ACTR5: variants seen among roughly 807,000 people sequenced by gnomAD.
The protein encoded by ACTR5 is actin related protein 5.
ACTR5 carries 43 observed loss-of-function variants against 61.2 expected under a neutral mutation model. That is an observed-to-expected ratio of 0.70 (90% confidence interval 0.55 to 0.91). ACTR5 has a LOEUF of 0.91. ACTR5 is among the 40% of genes least tolerant of loss of function. ACTR5 has a pLI of 0.00. For missense variants in ACTR5, 798 were observed against 782.2 expected (o/e 1.02, Z -0.24); for synonymous variants, 333 against 310.5 (o/e 1.07, Z -0.76).
At chr20:38,749,409 GC>G (rs2084372975) in intron 1 of ACTR5, among the ~76,000 whole-genome samples, 1 of 152,184 alleles carries the variant, frequency 6.6e-6, no homozygotes. Flanking sequence ...CAGTAAAAAG[GC>G]CCCGAGGCAG....
intron 5 of ACTR5, among the ~76,000 whole-genome samples, chr20:38,756,949 AGG>A (rs1331020987): frequency 1.3e-5 from 2 of 151,346 alleles, no homozygotes; most frequent in African/African-American, 4.9e-5. Flanking sequence ...TGTTTGAGAC[AGG>A]GTCTCACTTT....
chr20:38,762,542 T>G (rs2084461298), intron 5 of ACTR5, among the ~76,000 whole-genome samples: 1 of 152,220 alleles, frequency 6.6e-6, no homozygotes, highest in Non-Finnish European at 1.5e-5. Flanking sequence ...TAGAAGTCAC[T>G]GTTGTGACCT....
At chr20:38,748,889 G>A in intron 1 of ACTR5, 36 bp downstream of exon 1, 2 of 1,569,674 alleles carry the variant, frequency 1.3e-6, no homozygotes, top group Non-Finnish European at 1.7e-6. Flanking sequence ...GGCTGGGTTT[G>A]AGGGGAGGGG....
intron 7 of ACTR5, among the ~76,000 whole-genome samples, 174 bp from the exon 8 acceptor site, chr20:38,767,290 T>C (rs2084492276): frequency 6.6e-6 from 1 of 152,190 alleles, no homozygotes; most frequent in African/African-American, 2.4e-5. Flanking sequence ...TTTGGAAACA[T>C]TGGGCTGGCG....
chr20:38,766,407 T>C, intron 7 of ACTR5, 30 bp downstream of exon 7: 1 of 1,557,260 alleles, frequency 6.4e-7, no homozygotes, highest in Non-Finnish European at 8.7e-7. Flanking sequence ...TTTCCTTCTA[T>C]CTTCCTGAAC....
intron 8 of ACTR5, among the ~76,000 whole-genome samples, chr20:38,768,386 C>T (rs1326903914): frequency 6.6e-6 from 1 of 152,154 alleles, no homozygotes; most frequent in Non-Finnish European, 1.5e-5. Context: ...GCTTGTAATC[C>T]TACTTACAGC....
chr20:38,759,559 G>A (rs2084441152), intron 5 of ACTR5, among the ~76,000 whole-genome samples: 1 of 152,206 alleles, frequency 6.6e-6, no homozygotes, highest in Admixed American at 6.5e-5. Context: ...GAAGCTAGGT[G>A]AAGGTGAATG....
In ACTR5 at chr20:38,772,137, G is replaced by T. The variant is rs1052187585; in HGVS notation, c.*321G>T. The stretch of plus-strand genomic sequence containing the variant: ...ACAAATGTACAAAATGCACAAGACT[G>T]ATTTCTTACCACATTTTAGTCTTTC... On this transcript the variant is annotated 3_prime_UTR_variant, in exon 9 of 9. Transcript: ENST00000243903. 3 of 303,688 alleles carry T rather than the reference G, an allele frequency of 9.9e-6. No homozygotes were observed. Among genetic ancestry groups the T allele is most frequent in the Non-Finnish European group, 1.2e-5 (2 of 163,188 alleles). 18.8% of individuals were successfully genotyped at this position (303,688 alleles called of 1,614,324 possible).
chr20:38,766,260 A>C lies in ACTR5; in HGVS notation c.1316A>C (p.Tyr439Ser). 1.2e-6 allele frequency: 2 copies of C among 1,612,940 alleles called. No individual in the cohort carries two copies. The highest frequency in any genetic ancestry group is 1.7e-6 in the Non-Finnish European group (2 of 1,179,770). ...TVQPVFNLAA[Y>S]HQLFVGTERI... ...AAGCCCGTGTTTAACTTGGCAGCAT[A>C]TCATCAGCTATTTGTTGGGACAGAA... Residue 439 changes from tyrosine (Y) to serine (S), a missense_variant, in exon 7 of 9, where the codon TAT becomes TCT. Physicochemically the swap from Tyr to Ser is moderately radical, Grantham distance 144 (BLOSUM62 -2). Transcript: ENST00000243903.
At chr20:38,763,899 CACA>C (rs1290652665) in intron 5 of ACTR5, among the ~76,000 whole-genome samples, 5 of 152,186 alleles carry the variant, frequency 3.3e-5, no homozygotes, top group Non-Finnish European at 5.9e-5. Flanking sequence ...TCATCCTGTG[CACA>C]AGTCTCACAT....
At chr20:38,765,781 G>A (rs2084482783) in intron 6 of ACTR5, among the ~76,000 whole-genome samples, 1 of 152,146 alleles carries the variant, frequency 6.6e-6, no homozygotes, top group East Asian at 1.9e-4. Flanking sequence ...TCTGAATACT[G>A]GCTTGTAATA....
chr20:38,750,292 A>G, intron 2 of ACTR5, 53 bp downstream of exon 2: 1 of 1,489,636 alleles, frequency 6.7e-7, no homozygotes, highest in Non-Finnish European at 9.3e-7. Flanking sequence ...TTCAGGAAAC[A>G]TTTATTTACT....
At chr20:38,758,109 A>AT (rs1335558533) in intron 5 of ACTR5, among the ~76,000 whole-genome samples, 2 of 151,984 alleles carry the variant, frequency 1.3e-5, no homozygotes, top group African/African-American at 2.4e-5. Flanking sequence ...AAAAGGGAAA[A>AT]AAAACCAAAC....
rs751385041 is a variant in ACTR5, at chr20:38,771,850, A to G, written c.*34A>G. Reference sequence around the variant, plus strand: ...CTCCAGAGAGACTGCCCTGCACGCCATGCCTTGGGCCACGTTGGCAGTGTG... The same window carrying G: ...CTCCAGAGAGACTGCCCTGCACGCCGTGCCTTGGGCCACGTTGGCAGTGTG... On this transcript the variant is annotated 3_prime_UTR_variant, in exon 9 of 9. Transcript: ENST00000243903. 6 of 1,586,142 alleles carry G rather than the reference A, an allele frequency of 3.8e-6. No homozygotes were observed. Among genetic ancestry groups the G allele is most frequent in the African/African-American group, 1.3e-5 (1 of 74,598 alleles).
chr20:38,767,200 A>G (rs1376111822), intron 7 of ACTR5, among the ~76,000 whole-genome samples: 1 of 152,232 alleles, frequency 6.6e-6, no homozygotes, highest in Non-Finnish European at 1.5e-5. Context: ...TTTATTTTTT[A>G]AATGTATTAT....
At position 38,750,017 on chromosome 20, in the gene ACTR5, T is replaced by C; in HGVS notation, c.383T>C (p.Val128Ala). The change falls in exon 2 of 9, where the codon GTT (valine) becomes GCT (alanine). Residue 128 changes from valine to alanine, a missense_variant. Val to Ala is a moderately conservative substitution (Grantham distance 64). Transcript: ENST00000243903. ...QHLGVSSQGCVDHPIVLTEAV... is the reference protein window; with the variant it reads ...QHLGVSSQGCADHPIVLTEAV... ...CCTTTTCTTTCAAAGTAGGGCTGTGTTGATCATCCCATAGTTTTGACAGAA... is the reference window on the plus strand; with the variant it reads ...CCTTTTCTTTCAAAGTAGGGCTGTGCTGATCATCCCATAGTTTTGACAGAA... 6.2e-7 allele frequency: 1 copy of C among 1,613,884 alleles called. No homozygotes were observed. Among genetic ancestry groups the C allele is most frequent in the Non-Finnish European group, 8.5e-7 (1 of 1,179,718 alleles).
At chr20:38,757,802 C>A (rs959785693) in intron 5 of ACTR5, among the ~76,000 whole-genome samples, 1 of 150,278 alleles carries the variant, frequency 6.7e-6, no homozygotes, top group African/African-American at 2.5e-5. Context: ...TTACTAGATA[C>A]ACCTTATTGG....
chr20:38,759,868 G>A (rs1381541749), intron 5 of ACTR5, among the ~76,000 whole-genome samples: 3 of 152,068 alleles, frequency 2.0e-5, no homozygotes, highest in Middle Eastern at 3.2e-3. Flanking sequence ...TTTCAGCTGG[G>A]CCTTGAAAGA....
At chr20:38,760,201 AAGG>A (rs561310641) in intron 5 of ACTR5, among the ~76,000 whole-genome samples, 251 of 152,108 alleles carry the variant, frequency 1.7e-3, no homozygotes, top group African/African-American at 5.5e-3. Context: ...TAGGTAGCAA[AAGG>A]AGGAGGGAAG....
Sources: gnomAD v4.1 joint callset for allele counts (sites outside exome capture counted in the v4.1 genomes callset) on GRCh38, gnomAD v4.1.1 for gene constraint, MANE v1.5 for transcripts, NCBI Gene and HGNC (gene_info 2026-07-23, HGNC 2026-07-21) for gene names.